GPC6: variants seen among roughly 807,000 people sequenced by gnomAD.
GPC6 encodes glypican-6.
GPC6 carries 14 observed loss-of-function variants against 55.2 expected under a neutral mutation model. The observed-to-expected ratio is 0.25, with a 90% CI of 0.17 to 0.40. GPC6 has a LOEUF of 0.40. Ranked by LOEUF, GPC6 falls within the 10% of genes least tolerant of loss-of-function variation. The probability of loss-of-function intolerance (pLI) is 1.00; values close to 1 mark genes in which losing one functional copy is unlikely to be tolerated. For missense variants in GPC6, 641 were observed against 708.5 expected (o/e 0.90, Z 1.08); for synonymous variants, 278 against 259.6 (o/e 1.07, Z -0.68).
intron 3 of GPC6, among the ~76,000 whole-genome samples, chr13:93,950,725 A>T (rs991878517): frequency 6.6e-6 from 1 of 151,822 alleles, no homozygotes; most frequent in Admixed American, 6.6e-5. Flanking sequence ...TGGTTTCATC[A>T]TCTGTGACCT....
At chr13:93,818,643 T>C (rs1886943777) in intron 2 of GPC6, 1 of 152,158 alleles carries the variant, frequency 6.6e-6, no homozygotes, top group African/African-American at 2.4e-5. Context: ...TGGGTGCTGA[T>C]AAATGGGAAA....
chr13:93,276,206 G>T (rs542409206), intron 1 of GPC6, among the ~76,000 whole-genome samples: 1 of 152,158 alleles, frequency 6.6e-6, no homozygotes, highest in East Asian at 2.0e-4. Context: ...TCAGTGACCA[G>T]GGTAAAACCA....
chr13:93,346,672 G>A lies in GPC6; in HGVS notation c.160+119056G>A, dbSNP rs923477830. Among the ~76,000 whole-genome samples, 8 of 152,222 alleles carry A rather than the reference G, an allele frequency of 5.3e-5. No homozygotes were observed. The South Asian group carries it at 1.5e-3, about 28-fold the overall frequency. On this transcript the variant is annotated intron_variant, in intron 1 of 8. Coordinates refer to ENST00000377047, the MANE Select transcript of GPC6 (RefSeq NM_005708.5). ...ATGAACCTATGTTTTACTGGATTAG[G>A]ATGACAATGAGGAAAGAAGTGAGAA...
At chr13:94,396,761 A>C (rs1880914448) in intron 7 of GPC6, among the ~76,000 whole-genome samples, 1 of 152,204 alleles carries the variant, frequency 6.6e-6, no homozygotes, top group Non-Finnish European at 1.5e-5. Context: ...GAGAAATTAG[A>C]AGTGGGTGGA....
intron 2 of GPC6, among the ~76,000 whole-genome samples, chr13:93,596,467 C>T (rs951037667): frequency 6.6e-6 from 1 of 151,896 alleles, no homozygotes; most frequent in Admixed American, 6.6e-5. Flanking sequence ...CACTCTCCGA[C>T]TATTTAAGGA....
chr13:93,983,891 C>CA (rs141016818), intron 3 of GPC6, among the ~76,000 whole-genome samples: 2,129 of 151,270 alleles, frequency 0.014, 59 homozygotes, highest in African/African-American at 0.05. Context: ...TGAACTAGAA[C>CA]AAGTTTGAGG....
At chr13:93,966,341 A>G (rs948614463) in intron 3 of GPC6, among the ~76,000 whole-genome samples, 70 of 152,318 alleles carry the variant, frequency 4.6e-4, no homozygotes, top group African/African-American at 1.6e-3. Context: ...AAAACAATAT[A>G]AAAGAGTGAG....
At chr13:94,255,170 T>A (rs1264669372) in intron 4 of GPC6, among the ~76,000 whole-genome samples, 1 of 152,188 alleles carries the variant, frequency 6.6e-6, no homozygotes, top group Non-Finnish European at 1.5e-5. Context: ...AATTGATCCT[T>A]TTAGTGCAAA....
At chr13:93,427,603 A>G (rs1877190001) in intron 1 of GPC6, among the ~76,000 whole-genome samples, 1 of 152,212 alleles carries the variant, frequency 6.6e-6, no homozygotes, top group African/African-American at 2.4e-5. Flanking sequence ...ACTTGCTATC[A>G]ATAAATTTCC....
intron 2 of GPC6, among the ~76,000 whole-genome samples, chr13:93,677,797 T>G (rs1881698613): frequency 6.6e-6 from 1 of 152,074 alleles, no homozygotes; most frequent in Non-Finnish European, 1.5e-5. Context: ...ATTTTGGAGG[T>G]AAGATAATTT....
rs547018080 is a variant in GPC6 at position 93,294,550 on chromosome 13, T to C, written c.160+66934T>C. On this transcript the variant is annotated intron_variant, in intron 1 of 8. Transcript: ENST00000377047. The stretch of plus-strand genomic sequence containing the variant: ...AGTTCATGCATTTCCTTCTTCTGTT[T>C]TGTTACCATACCGTATGCTTGGCAC... 2.6e-5 allele frequency among the ~76,000 whole-genome samples: 4 copies of C among 152,294 alleles called. No homozygotes were observed. The South Asian group carries it at 8.3e-4, about 32-fold the overall frequency.
intron 3 of GPC6, among the ~76,000 whole-genome samples, chr13:93,963,011 A>C (rs760041895): frequency 2.0e-4 from 30 of 151,870 alleles, no homozygotes; most frequent in Non-Finnish European, 3.1e-4. Context: ...TTTGCATCTG[A>C]AATTTAATGG....
chr13:94,251,724 A>C lies in GPC6; in HGVS notation c.878-34625A>C, dbSNP rs199722971. ...AGAAAGCTAAAAGGCAAAAAAAAAA[A>C]CAAAAACAAAACAAACTGTTGCAAA... On this transcript the variant is annotated intron_variant, in intron 4 of 8. Transcript: ENST00000377047. Among the ~76,000 whole-genome samples the C allele has an allele frequency of 1.9e-3, 253 of 136,506 alleles. 1 individual carries two copies. The highest frequency in any genetic ancestry group is 6.6e-3 in the African/African-American group (213 of 32,080). 89.6% of individuals were successfully genotyped at this position (136,506 alleles called of 152,430 possible).
rs550140166 is a variant in GPC6, at chr13:93,361,994, A to G, written c.160+134378A>G. 3.9e-5 allele frequency among the ~76,000 whole-genome samples: 6 copies of G among 152,352 alleles called. No homozygotes were observed. In the South Asian group the frequency reaches 1.0e-3, roughly 26 times the overall value. On this transcript the variant is annotated intron_variant, in intron 1 of 8. Coordinates refer to ENST00000377047, the MANE Select transcript of GPC6 (RefSeq NM_005708.5). Reference sequence around the variant, plus strand: ...ATGATCATACAAAGACTCCAGCCTCAGTAAGTGATGAATTGTTAGTTGAAG... The same window carrying G: ...ATGATCATACAAAGACTCCAGCCTCGGTAAGTGATGAATTGTTAGTTGAAG...
chr13:93,977,707 CTTCT>C (rs1414338641), intron 3 of GPC6, among the ~76,000 whole-genome samples: 1 of 152,108 alleles, frequency 6.6e-6, no homozygotes, highest in Non-Finnish European at 1.5e-5. Context: ...TCCTTACTGC[CTTCT>C]GCTTCAGCCT....
intron 3 of GPC6, among the ~76,000 whole-genome samples, chr13:93,902,745 T>G (rs1410675816): frequency 2.6e-5 from 4 of 152,196 alleles, no homozygotes; most frequent in Non-Finnish European, 5.9e-5. Context: ...ATCTAACAGG[T>G]GTTTCATTGT....
intron 7 of GPC6, among the ~76,000 whole-genome samples, chr13:94,396,977 C>A (rs900548898): frequency 6.6e-6 from 1 of 152,106 alleles, no homozygotes; most frequent in Non-Finnish European, 1.5e-5. Context: ...AAAATACTCC[C>A]CATCTCCTAG....
chr13:94,383,516 A>G (rs1431002485), intron 7 of GPC6, among the ~76,000 whole-genome samples: 1 of 152,208 alleles, frequency 6.6e-6, no homozygotes, highest in East Asian at 1.9e-4. Context: ...AGATAGCTTG[A>G]GCCCAAGAGT....
At chr13:94,382,662 G>T in intron 7 of GPC6, 112 bp downstream of exon 7, 1 of 1,402,090 alleles carries the variant, frequency 7.1e-7, no homozygotes, top group Non-Finnish European at 1.0e-6. Context: ...AGAGGGTGGA[G>T]GGACAAGTCA....
Sources: allele counts gnomAD v4.1 joint callset (sites outside exome capture counted in the v4.1 genomes callset), GRCh38; gene constraint gnomAD v4.1.1; transcripts MANE v1.5; gene names NCBI Gene and HGNC (gene_info 2026-07-23, HGNC 2026-07-21).